KDM1B: variants seen among roughly 807,000 people sequenced by gnomAD.
KDM1B encodes the protein lysine-specific histone demethylase 2.
In KDM1B, 63 loss-of-function variants were observed where a neutral mutation model predicts 107.4. That is an observed-to-expected ratio of 0.59 (90% CI 0.48 to 0.72). The LOEUF is 0.72. KDM1B is among the 30% of genes least tolerant of loss of function. The pLI, the probability that KDM1B is intolerant of heterozygous loss-of-function variation, is 0.00. For synonymous variants in KDM1B, 363 were observed against 363.9 expected (o/e 1.00, Z 0.03); for missense variants, 749 against 1,020.8 (o/e 0.73, Z 3.63).
intron 12 of KDM1B, among the ~76,000 whole-genome samples, chr6:18,198,637 C>CAAAA (rs762849198): frequency 8.2e-4 from 57 of 69,138 alleles, no homozygotes; most frequent in Non-Finnish European, 9.9e-4. Flanking sequence ...GACTCCATCT[C>CAAAA]AAAAAAAAAA....
chr6:18,201,468 A>C lies in KDM1B; in HGVS notation c.1360-18A>C, dbSNP rs755352883. 2 of 1,536,044 alleles carry C rather than the reference A, an allele frequency of 1.3e-6. No homozygotes were observed. Among genetic ancestry groups the C allele is most frequent in the South Asian group, 1.2e-5 (1 of 82,026 alleles). On this transcript the variant is annotated intron_variant, in intron 13 of 21. Coordinates refer to ENST00000650836, the MANE Select transcript of KDM1B (RefSeq NM_001364614.2). This position sits in a 1 kb window ranked among gnomAD's most constrained non-coding sequence, Gnocchi z 4.3. The stretch of plus-strand genomic sequence containing the variant: ...TTCCAGGGAAAATTTTCACCTTCTT[A>C]TTCTTATTATTTTGAAGCTTGGCAT...
intron 9 of KDM1B, among the ~76,000 whole-genome samples, chr6:18,189,492 G>T (rs917395273): frequency 6.6e-6 from 1 of 152,156 alleles, no homozygotes; most frequent in Non-Finnish European, 1.5e-5. Flanking sequence ...TAGGTACAAA[G>T]AAATTTCTTT....
rs1007666217 is a variant in KDM1B at position 18,212,841 on chromosome 6, A to G, written c.1983+237A>G. Among the ~76,000 whole-genome samples the G allele has an allele frequency of 2.0e-5, 3 of 152,206 alleles. No homozygotes were observed. Among genetic ancestry groups the G allele is most frequent in the Non-Finnish European group, 4.4e-5 (3 of 68,030 alleles). Reference sequence around the variant, plus strand: ...AGGAGAAAGAATCTTGTTATTCACAATTTGAATTTGGTATAAGCAATTCTT... The same window carrying G: ...AGGAGAAAGAATCTTGTTATTCACAGTTTGAATTTGGTATAAGCAATTCTT... On this transcript the variant is annotated intron_variant, in intron 18 of 21. Coordinates refer to ENST00000650836, the MANE Select transcript of KDM1B (RefSeq NM_001364614.2). The surrounding 1 kb of genome is among the most constrained non-coding windows in gnomAD (Gnocchi z 5.2).
intron 17 of KDM1B, among the ~76,000 whole-genome samples, chr6:18,208,627 A>ATTTTTTTTT (rs1167715268): frequency 3.9e-5 from 1 of 25,736 alleles, no homozygotes; most frequent in Non-Finnish European, 6.8e-5. Flanking sequence ...ATATATATAT[A>ATTTTTTTTT]TTTTTTTTTT....
At chr6:18,180,676 C>T (rs1171691441) in intron 7 of KDM1B, among the ~76,000 whole-genome samples, 1 of 152,106 alleles carries the variant, frequency 6.6e-6, no homozygotes, top group South Asian at 2.1e-4. Flanking sequence ...AGCGATTCTC[C>T]CACGTCAGCC....
At chr6:18,161,920 A>T (rs1325170886) in intron 4 of KDM1B, among the ~76,000 whole-genome samples, 1 of 151,804 alleles carries the variant, frequency 6.6e-6, no homozygotes, top group Non-Finnish European at 1.5e-5. Context: ...TTGTGGGGTG[A>T]CACAAGTATG....
intron 10 of KDM1B, among the ~76,000 whole-genome samples, chr6:18,192,167 C>T (rs1172146090): frequency 2.0e-5 from 3 of 152,116 alleles, no homozygotes; most frequent in Non-Finnish European, 2.9e-5. Flanking sequence ...GAGGCTGAGA[C>T]AGGAGGATGG....
chr6:18,173,215 T>C (rs1046154567), intron 7 of KDM1B, among the ~76,000 whole-genome samples: 1 of 152,218 alleles, frequency 6.6e-6, no homozygotes, highest in Non-Finnish European at 1.5e-5. Flanking sequence ...TATTCTTTTT[T>C]AAAAAATTTA....
In KDM1B at chr6:18,215,039, C is replaced by A; in HGVS notation, c.2142C>A (p.Ala714=). 1 of 1,613,972 alleles carries A rather than the reference C, an allele frequency of 6.2e-7. No homozygotes were observed. Among genetic ancestry groups the A allele is most frequent in the African/African-American group, 1.3e-5 (1 of 75,042 alleles). The change falls in exon 20 of 22, where the codon GCC becomes GCA. Residue 714 remains alanine, a synonymous_variant. Coordinates refer to ENST00000650836, the MANE Select transcript of KDM1B (RefSeq NM_001364614.2). ...KKHSVLMSVI[A]GEAVASVRTL... is the part of the protein sequence containing the mutation. ...ACAGCGTGCTGATGTCTGTGATTGC[C>A]GGGGAGGCTGTCGCATCCGTGAGGA...
rs917768849 is a variant in KDM1B, at chr6:18,172,011, G to T, written c.534+532G>T. On this transcript the variant is annotated intron_variant, in intron 7 of 21. Transcript: ENST00000650836. The surrounding 1 kb of genome is among the most constrained non-coding windows in gnomAD (Gnocchi z 5.2). ...TTTTTTGCTAGTTTTGGTTTGTTTCGTTTTTATATAATGATGTTGACACCA... is the reference window on the plus strand; with the variant it reads ...TTTTTTGCTAGTTTTGGTTTGTTTCTTTTTTATATAATGATGTTGACACCA... Among the ~76,000 whole-genome samples the T allele has an allele frequency of 6.6e-6, 1 of 152,072 alleles. No individual in the cohort carries two copies. The highest frequency in any genetic ancestry group is 2.4e-5 in the African/African-American group (1 of 41,408).
In KDM1B at chr6:18,196,458, CT is replaced by C. The variant is rs538318818; in HGVS notation, c.970-593del. ...ATTCCACCAACAGTGAATAAGGGTT[CT>C]TTTTTCTCTTCATCATTTGTTACCT... On this transcript the variant is annotated intron_variant, in intron 10 of 21. Coordinates refer to ENST00000650836, the MANE Select transcript of KDM1B (RefSeq NM_001364614.2). Among the ~76,000 whole-genome samples, 690 of 151,316 alleles carry C rather than the reference CT, an allele frequency of 4.6e-3. 2 individuals are homozygous for C. The highest frequency in any genetic ancestry group is 0.017 in the Middle Eastern group (5 of 294).
At chr6:18,184,273 C>CTTTT (rs1163110910) in intron 7 of KDM1B, among the ~76,000 whole-genome samples, 10 of 116,648 alleles carry the variant, frequency 8.6e-5, no homozygotes, top group East Asian at 2.7e-4. Context: ...GTTCTAGCTT[C>CTTTT]TTTTTTTTTT....
At position 18,209,061 on chromosome 6, in the gene KDM1B, A is replaced by T. The variant is rs1205781295; in HGVS notation, c.1866+855A>T. Among the ~76,000 whole-genome samples the T allele has an allele frequency of 1.3e-5, 2 of 152,120 alleles. No homozygotes were observed. The highest frequency in any genetic ancestry group is 3.9e-4 in the East Asian group (2 of 5,190). On this transcript the variant is annotated intron_variant, in intron 17 of 21. Coordinates refer to ENST00000650836, the MANE Select transcript of KDM1B (RefSeq NM_001364614.2). The surrounding 1 kb of genome is among the most constrained non-coding windows in gnomAD (Gnocchi z 4.3). ...TTTAAACCACGGAATCCTTCTTCAG[A>T]TCAGGAAAGTTCTGTTTTCATCTTG...
chr6:18,222,978 T>A lies in KDM1B; in HGVS notation c.*986T>A, dbSNP rs1189504532. On this transcript the variant is annotated 3_prime_UTR_variant, in exon 22 of 22. Coordinates refer to ENST00000650836, the MANE Select transcript of KDM1B (RefSeq NM_001364614.2). ...CTCCTGGTAAATAGTATACATTTTA[T>A]AAGCTATATTTTAAAGGCCTAAGAA... is the stretch of plus-strand genomic sequence containing the variant. 3 of 152,632 alleles carry A rather than the reference T, an allele frequency of 2.0e-5. No individual in the cohort carries two copies. The highest frequency in any genetic ancestry group is 2.1e-4 in the South Asian group (1 of 4,828). 9.5% of individuals were successfully genotyped at this position (152,632 alleles called of 1,614,324 possible).
At chr6:18,207,658 G>A (rs985655070) in intron 16 of KDM1B, 129 bp downstream of exon 16, 16 of 1,084,506 alleles carry the variant, frequency 1.5e-5, no homozygotes, top group Non-Finnish European at 2.2e-5. Flanking sequence ...GTACTTTTGT[G>A]GCTCATTCGT....
At chr6:18,206,141 GT>G (rs201986914) in intron 15 of KDM1B, among the ~76,000 whole-genome samples, 2,483 of 138,204 alleles carry the variant, frequency 0.018, 37 homozygotes, top group Non-Finnish European at 0.026. Context: ...GGTTTTGGTT[GT>G]TTTTTAAACT....
At chr6:18,208,543 C>A (rs214594) in intron 17 of KDM1B, among the ~76,000 whole-genome samples, 49,332 of 131,968 alleles carry the variant, frequency 0.37, 9,289 homozygotes, top group South Asian at 0.5. Context: ...GTATTGTATA[C>A]GATACTCTAC....
chr6:18,203,713 C>T lies in KDM1B; in HGVS notation c.1532-1824C>T, dbSNP rs1326783858. ...ACTAATAATACAAAAATTAGTCGAGCATGGTGGTGCATGCCTGTAATCCCA... is the reference window on the plus strand; with the variant it reads ...ACTAATAATACAAAAATTAGTCGAGTATGGTGGTGCATGCCTGTAATCCCA... On this transcript the variant is annotated intron_variant, in intron 14 of 21. Coordinates refer to ENST00000650836, the MANE Select transcript of KDM1B (RefSeq NM_001364614.2). The surrounding 1 kb of genome is among the most constrained non-coding windows in gnomAD (Gnocchi z 5.5). 2.0e-5 allele frequency among the ~76,000 whole-genome samples: 3 copies of T among 151,994 alleles called. No individual in the cohort carries two copies. Among genetic ancestry groups the T allele is most frequent in the African/African-American group, 7.3e-5 (3 of 41,372 alleles).
chr6:18,213,588 T>C lies in KDM1B; in HGVS notation c.1984-68T>C. 1 of 1,559,444 alleles carries C rather than the reference T, an allele frequency of 6.4e-7. No individual in the cohort carries two copies. The highest frequency in any genetic ancestry group is 8.8e-7 in the Non-Finnish European group (1 of 1,132,228). On this transcript the variant is annotated intron_variant, in intron 18 of 21. Transcript: ENST00000650836. This position sits in a 1 kb window ranked among gnomAD's most constrained non-coding sequence, Gnocchi z 5.9. ...GTTTTAGAGTAGAGCTACAGGTTGC[T>C]GCTTAGATATTGCCTGTGGTTTTGT...
Sources: allele counts gnomAD v4.1 joint callset (sites outside exome capture counted in the v4.1 genomes callset), GRCh38; gene constraint gnomAD v4.1.1; non-coding constraint Gnocchi (gnomAD v3.1); transcripts MANE v1.5; gene names NCBI Gene and HGNC (gene_info 2026-07-23, HGNC 2026-07-21).